Variants in ADAMTS18 observed in about 807,000 individuals in gnomAD.
The protein encoded by ADAMTS18 is A disintegrin and metalloproteinase with thrombospondin motifs 18.
Under a neutral mutation model 165.9 loss-of-function variants are expected in ADAMTS18, and 157 were observed. The ratio of observed to expected loss-of-function variants is 0.95; its 90% CI spans 0.83 to 1.08. ADAMTS18 has a LOEUF of 1.08. ADAMTS18 is among the 50% of genes least tolerant of loss of function. ADAMTS18 has a pLI of 0.00. For synonymous variants in ADAMTS18, 782 were observed against 578.2 expected (o/e 1.35, Z -5.06); for missense variants, 2,040 against 1,534.0 (o/e 1.33, Z -5.51).
At chr16:77,314,784 AT>A (rs1597111185) in intron 16 of ADAMTS18, among the ~76,000 whole-genome samples, 1 of 92,196 alleles carries the variant, frequency 1.1e-5, no homozygotes, top group East Asian at 2.8e-4. Flanking sequence ...ATATATATAT[AT>A]AAAATATATG....
intron 16 of ADAMTS18, among the ~76,000 whole-genome samples, chr16:77,314,114 G>T (rs563655904): frequency 3.3e-5 from 5 of 152,228 alleles, no homozygotes; most frequent in Admixed American, 3.3e-4. Flanking sequence ...TGAGTAGGTG[G>T]TATGAGATCT....
chr16:77,338,638 T>C (rs973937667), intron 11 of ADAMTS18, among the ~76,000 whole-genome samples: 1 of 151,974 alleles, frequency 6.6e-6, no homozygotes, highest in Non-Finnish European at 1.5e-5. Context: ...TTTCTTTCCG[T>C]GCACACATAT....
Position 77,283,720 on chromosome 16 carries a change from T to G in ADAMTS18, c.*236A>C. 7.8e-6 allele frequency: 4 copies of G among 514,324 alleles called. No homozygotes were observed. In the South Asian group the frequency reaches 8.5e-5, roughly 11 times the overall value. The allele number at this position is 514,324 out of a possible 1,614,324, so 31.9% of individuals were successfully genotyped here. A position where few individuals can be genotyped will look rare whatever the true frequency, so the allele number is the denominator to read the frequency against. ...AACAGTGCAAATCAAAGATTTTTTT[T>G]AAAGTCAGATTTGTCATCGCTTCCC... On this transcript the variant is annotated 3_prime_UTR_variant, in exon 23 of 23. Transcript: ENST00000282849.
intron 16 of ADAMTS18, among the ~76,000 whole-genome samples, chr16:77,309,213 G>A (rs1455285353): frequency 7.2e-6 from 1 of 138,062 alleles, no homozygotes; most frequent in Non-Finnish European, 1.6e-5. Flanking sequence ...CATGTAGCTG[G>A]CTAGTTTTTT....
At chr16:77,286,403 G>A (rs770633739) in intron 22 of ADAMTS18, among the ~76,000 whole-genome samples, 17 of 152,124 alleles carry the variant, frequency 1.1e-4, no homozygotes, top group South Asian at 8.3e-4. Context: ...GGTGGGAGCC[G>A]TGCCTGTTTA....
chr16:77,328,385 C>T (rs2056131383), intron 12 of ADAMTS18, among the ~76,000 whole-genome samples: 1 of 152,088 alleles, frequency 6.6e-6, no homozygotes, highest in South Asian at 2.1e-4. Flanking sequence ...AATTCCTTGT[C>T]TCTTTAGGAG....
intron 17 of ADAMTS18, 32 bp downstream of exon 17, chr16:77,300,231 G>C (rs1237020173): frequency 6.2e-7 from 1 of 1,613,544 alleles, no homozygotes; most frequent in Non-Finnish European, 8.5e-7. Flanking sequence ...AAGAGAGACA[G>C]ACTTTGGAGA....
intron 8 of ADAMTS18, among the ~76,000 whole-genome samples, chr16:77,358,182 T>C (rs553524474): frequency 1.3e-4 from 19 of 151,940 alleles, no homozygotes; most frequent in Non-Finnish European, 2.5e-4. Context: ...TGTCTAAATG[T>C]GTGTGTGTGT....
chr16:77,329,943 C>G (rs2056160526), intron 12 of ADAMTS18, among the ~76,000 whole-genome samples: 5 of 152,134 alleles, frequency 3.3e-5, no homozygotes, highest in Admixed American at 3.3e-4. Flanking sequence ...CAAGTCCTGA[C>G]TACAAATAGT....
intron 3 of ADAMTS18, among the ~76,000 whole-genome samples, chr16:77,369,497 A>C (rs1333821668): frequency 2.0e-5 from 3 of 152,216 alleles, no homozygotes; most frequent in African/African-American, 7.2e-5. Context: ...AAAACTAAGA[A>C]AGAACAGAGA....
chr16:77,288,813 A>C (rs561032371), intron 22 of ADAMTS18, among the ~76,000 whole-genome samples: 79 of 152,280 alleles, frequency 5.2e-4, no homozygotes, highest in African/African-American at 1.9e-3. Flanking sequence ...GACCCATGCA[A>C]ACAAGATCAC....
intron 8 of ADAMTS18, among the ~76,000 whole-genome samples, chr16:77,358,915 G>A (rs1403889091): frequency 6.6e-6 from 1 of 152,160 alleles, no homozygotes; most frequent in Non-Finnish European, 1.5e-5. Flanking sequence ...CCAACTAAAA[G>A]AATATTCAGT....
intron 8 of ADAMTS18, among the ~76,000 whole-genome samples, chr16:77,356,779 G>A (rs977088179): frequency 6.6e-6 from 1 of 152,084 alleles, no homozygotes; most frequent in African/African-American, 2.4e-5. Context: ...GTGGTCTACT[G>A]TCTAGAAATC....
At chr16:77,377,705 T>C (rs1282242157) in intron 3 of ADAMTS18, among the ~76,000 whole-genome samples, 2 of 152,204 alleles carry the variant, frequency 1.3e-5, no homozygotes, top group African/African-American at 2.4e-5. Context: ...CTTTTTAATT[T>C]TGAATCTATC....
At chr16:77,356,509 T>C (rs958429373) in intron 8 of ADAMTS18, among the ~76,000 whole-genome samples, 1 of 152,192 alleles carries the variant, frequency 6.6e-6, no homozygotes, top group East Asian at 1.9e-4. Flanking sequence ...TGATTATAAG[T>C]TGTTTATGAA....
chr16:77,314,788 A>ATATATATATATATATATATT (rs2055857442), intron 16 of ADAMTS18, among the ~76,000 whole-genome samples: 1 of 88,464 alleles, frequency 1.1e-5, no homozygotes, highest in Non-Finnish European at 2.3e-5. Context: ...ATATATATAA[A>ATATATATATATATATATATT]ATATATGTGA....
intron 3 of ADAMTS18, among the ~76,000 whole-genome samples, chr16:77,417,018 T>A (rs1448563639): frequency 6.6e-6 from 1 of 152,196 alleles, no homozygotes; most frequent in Non-Finnish European, 1.5e-5. Flanking sequence ...GTTGCTTACA[T>A]TGCTTGCCCT....
At chr16:77,405,924 A>G (rs1390184091) in intron 3 of ADAMTS18, among the ~76,000 whole-genome samples, 1 of 152,182 alleles carries the variant, frequency 6.6e-6, no homozygotes, top group Non-Finnish European at 1.5e-5. Flanking sequence ...GGGTTGGAAG[A>G]TGAGAAAGTG....
intron 3 of ADAMTS18, among the ~76,000 whole-genome samples, chr16:77,396,080 C>T (rs150725680): frequency 9.7e-4 from 147 of 152,256 alleles, no homozygotes; most frequent in Middle Eastern, 3.4e-3. Context: ...TAGCAACATG[C>T]CAAGGGCACC....
Sources: gnomAD v4.1 joint callset for allele counts (sites outside exome capture counted in the v4.1 genomes callset) on GRCh38, gnomAD v4.1.1 for gene constraint, MANE v1.5 for transcripts, NCBI Gene and HGNC (gene_info 2026-07-23, HGNC 2026-07-21) for gene names.